LINGO2: variants seen among roughly 807,000 people sequenced by gnomAD.
LINGO2 encodes the protein leucine rich repeat and Ig domain containing 2.
In LINGO2, 14 loss-of-function variants were observed where a neutral mutation model predicts 30.6. That is an observed-to-expected ratio of 0.46 (90% CI 0.30 to 0.72). The LOEUF (loss-of-function observed/expected upper bound fraction) is 0.72. Among genes scored for constraint, LINGO2 ranks in the 30% least tolerant of loss-of-function variants. LINGO2 has a pLI of 0.07. For synonymous variants in LINGO2, 317 were observed against 288.5 expected, an observed-to-expected ratio of 1.10 and a Z score of -1.00; for missense variants, 729 against 751.7, an observed-to-expected ratio of 0.97 and a Z score of 0.35.
chr9:28,997,385 T>C, the LINGO2 span, among the ~76,000 whole-genome samples: 3 of 152,236 alleles, frequency 2.0e-5, no homozygotes, highest in Non-Finnish European at 4.4e-5. Context: ...TTGTGCTAAA[T>C]ACTAGGATAA....
At chr9:28,600,628 T>G (rs1587940032) in intron 1 of LINGO2, among the ~76,000 whole-genome samples, 1 of 152,096 alleles carries the variant, frequency 6.6e-6, no homozygotes, top group Admixed American at 6.6e-5. Context: ...TTATTTTATT[T>G]AATATAAATC....
At chr9:29,180,614 T>A in the LINGO2 span, among the ~76,000 whole-genome samples, 1 of 152,156 alleles carries the variant, frequency 6.6e-6, no homozygotes, top group East Asian at 1.9e-4. Context: ...CCCCTATATG[T>A]GATCACACAC....
chr9:27,945,204 A>C (rs1823318225), downstream of LINGO2, among the ~76,000 whole-genome samples: 1 of 152,166 alleles, frequency 6.6e-6, no homozygotes, highest in African/African-American at 2.4e-5. Context: ...GACTTTACTC[A>C]ATTTTATTTC....
the LINGO2 span, among the ~76,000 whole-genome samples, chr9:29,039,232 C>T: frequency 6.6e-6 from 1 of 152,068 alleles, no homozygotes; most frequent in East Asian, 1.9e-4. Context: ...AATACATTTC[C>T]TAGAGATGCT....
chr9:28,473,134 A>C (rs944280634), intron 2 of LINGO2, among the ~76,000 whole-genome samples: 1 of 152,054 alleles, frequency 6.6e-6, no homozygotes, highest in South Asian at 2.1e-4. Flanking sequence ...ATAAAAATCT[A>C]TTGAAGTGTA....
the LINGO2 span, among the ~76,000 whole-genome samples, chr9:28,807,152 G>C: frequency 6.6e-6 from 1 of 151,890 alleles, no homozygotes; most frequent in Non-Finnish European, 1.5e-5. Context: ...AGCCTCCTGA[G>C]TAGCTGGGAC....
intron 4 of LINGO2, among the ~76,000 whole-genome samples, chr9:28,166,076 A>G (rs1828418836): frequency 6.6e-6 from 1 of 152,222 alleles, no homozygotes; most frequent in African/African-American, 2.4e-5. Context: ...AACAATTTTC[A>G]TTAATGCATG....
chr9:28,641,415 C>G (rs1422187107), intron 1 of LINGO2, among the ~76,000 whole-genome samples: 1 of 152,120 alleles, frequency 6.6e-6, no homozygotes, highest in African/African-American at 2.4e-5. Context: ...AAAGCCTGTA[C>G]CACTCACATC....
chr9:28,688,942 C>T, the LINGO2 span, among the ~76,000 whole-genome samples: 6 of 152,230 alleles, frequency 3.9e-5, no homozygotes, highest in African/African-American at 7.2e-5. Context: ...TGCATGGCAG[C>T]CCCCCGATCC....
chr9:28,011,936 C>A (rs559023932), intron 5 of LINGO2, among the ~76,000 whole-genome samples: 2 of 150,794 alleles, frequency 1.3e-5, no homozygotes, highest in South Asian at 4.1e-4. Flanking sequence ...AGCTGTTAAC[C>A]CCAAGCCTCT....
the LINGO2 span, among the ~76,000 whole-genome samples, chr9:28,873,562 T>C: frequency 2.6e-5 from 4 of 152,090 alleles, no homozygotes; most frequent in Non-Finnish European, 5.9e-5. Context: ...ACCTTGGCAT[T>C]ACTTTGATTG....
At chr9:29,135,807 C>T in the LINGO2 span, among the ~76,000 whole-genome samples, 1 of 152,132 alleles carries the variant, frequency 6.6e-6, no homozygotes, top group Non-Finnish European at 1.5e-5. Flanking sequence ...CTAGCAACCA[C>T]CATTCTGCTT....
intron 3 of LINGO2, among the ~76,000 whole-genome samples, chr9:28,307,045 T>C (rs1165757126): frequency 2.0e-5 from 3 of 151,774 alleles, no homozygotes; most frequent in East Asian, 1.9e-4. Context: ...TTCCAATCAA[T>C]AGAAAAAGAG....
chr9:28,337,071 TA>T (rs1564131467), intron 3 of LINGO2, among the ~76,000 whole-genome samples: 1 of 148,946 alleles, frequency 6.7e-6, no homozygotes, highest in African/African-American at 2.4e-5. Flanking sequence ...TTTCATATTA[TA>T]AAAATAAAAT....
chr9:29,010,958 C>G, the LINGO2 span, among the ~76,000 whole-genome samples: 1 of 152,078 alleles, frequency 6.6e-6, no homozygotes, highest in Non-Finnish European at 1.5e-5. Flanking sequence ...TGAGGCCGAA[C>G]TCTATCATTT....
chr9:28,309,614 G>C (rs1167183016), intron 3 of LINGO2, among the ~76,000 whole-genome samples: 4 of 151,134 alleles, frequency 2.6e-5, no homozygotes, highest in African/African-American at 9.7e-5. Context: ...AAAAATTAGG[G>C]TAAGCTAAGA....
chr9:28,335,217 A>C (rs768872623), intron 3 of LINGO2, among the ~76,000 whole-genome samples: 2 of 152,194 alleles, frequency 1.3e-5, no homozygotes, highest in Non-Finnish European at 2.9e-5. Context: ...GTCAAATGAC[A>C]GGTGGAAACA....
At chr9:27,984,616 G>T (rs1177483430) in intron 5 of LINGO2, among the ~76,000 whole-genome samples, 1 of 151,748 alleles carries the variant, frequency 6.6e-6, no homozygotes, top group Non-Finnish European at 1.5e-5. Context: ...TTCTACTATA[G>T]ATCACTGAGA....
chr9:28,664,718 C>T (rs1288634472), intron 1 of LINGO2, among the ~76,000 whole-genome samples: 1 of 151,708 alleles, frequency 6.6e-6, no homozygotes, highest in East Asian at 1.9e-4. Context: ...TTTTTTGTCT[C>T]CCAGAATGCT....
Sources: gnomAD v4.1 joint callset for allele counts (sites outside exome capture counted in the v4.1 genomes callset) on GRCh38, gnomAD v4.1.1 for gene constraint, MANE v1.5 for transcripts, NCBI Gene and HGNC (gene_info 2026-07-23, HGNC 2026-07-21) for gene names.